The following CSAD variants were observed in gnomAD, a reference collection of about 807,000 sequenced individuals.
CSAD encodes cysteine sulfinic acid decarboxylase.
CSAD carries 47 observed loss-of-function variants against 61.5 expected under a neutral mutation model. The ratio of observed to expected loss-of-function variants is 0.76; its 90% CI spans 0.60 to 0.97. The LOEUF (loss-of-function observed/expected upper bound fraction) is 0.97, where lower values mean the gene tolerates loss of function less well. CSAD is among the 50% of genes least tolerant of loss of function. CSAD has a pLI of 0.00. For missense variants in CSAD, 611 were observed against 643.6 expected (o/e 0.95, Z 0.55); for synonymous variants, 245 against 252.7 (o/e 0.97, Z 0.29).
At chr12:53,164,280 G>T in intron 10 of CSAD, 1 of 159,112 alleles carries the variant, frequency 6.3e-6, no homozygotes, top group South Asian at 1.8e-4. Flanking sequence ...TACTTCAAAG[G>T]ACACTATCAA....
At chr12:53,161,805 T>C (rs1306129164) in intron 10 of CSAD, among the ~76,000 whole-genome samples, 2 of 150,452 alleles carry the variant, frequency 1.3e-5, no homozygotes, top group African/African-American at 4.9e-5. Flanking sequence ...AAAATTTTTT[T>C]GTTTAATTAG....
chr12:53,178,698 T>C (rs1043525542), intron 2 of CSAD, among the ~76,000 whole-genome samples: 3 of 151,948 alleles, frequency 2.0e-5, no homozygotes, highest in African/African-American at 4.8e-5. Flanking sequence ...GCCAGGAGAA[T>C]TGCTTGAACC....
chr12:53,178,394 A>G (rs1278502435), intron 2 of CSAD: 1 of 456,142 alleles, frequency 2.2e-6, no homozygotes, highest in Non-Finnish European at 4.4e-6. Context: ...TGGGAGGCTA[A>G]GATGGGAGGA....
rs1162552497 is a variant in CSAD at position 53,172,644 on chromosome 12, C to T, written c.131G>A (p.Cys44Tyr). 4 of 1,606,174 alleles carry T rather than the reference C, an allele frequency of 2.5e-6. No homozygotes were observed. The highest frequency in any genetic ancestry group is 3.4e-6 in the Non-Finnish European group (4 of 1,177,558). ...QKGTSVSQKV[C>Y]EWKEPEELKQ... ...CAGCTCCTCAGGCTCCTTCCACTCA[C>T]AGACCTAGGAAGAGAGCCGGGGATG... Residue 44 changes from cysteine to tyrosine, a missense_variant, in exon 5 of 17, where the codon TGT becomes TAT. Cys to Tyr is a radical substitution (Grantham distance 194, BLOSUM62 -2). Coordinates refer to ENST00000444623, the MANE Select transcript of CSAD (RefSeq NM_001244705.2).
At position 53,158,370 on chromosome 12, in the gene CSAD, A is replaced by G. The variant is rs1189457895; in HGVS notation, c.*141T>C. On this transcript the variant is annotated 3_prime_UTR_variant, in exon 17 of 17. Transcript: ENST00000444623. ...AGGCTGGTCTCGAACTCCTGACCTC[A>G]AGTGATCCACCCGCCTCGGCCTCCC... is the stretch of plus-strand genomic sequence containing the variant. The G allele has an allele frequency of 7.9e-6, 6 of 760,866 alleles. No homozygotes were observed. The highest frequency in any genetic ancestry group is 1.8e-5 in the South Asian group (1 of 54,952). The allele number at this position is 760,866 out of a possible 1,614,324, so 47.1% of individuals were successfully genotyped here.
In CSAD at chr12:53,160,808, G is replaced by A. The variant is rs373814731; in HGVS notation, c.921C>T (p.Leu307=). ...GTGCAGAGCATTGCAGGCCTGCTGC[G>A]AGGAGCTTGTGGGGATTCCAGGCCA... ...DSVAWNPHKL[L]AAGLQCSALL... The change falls in exon 13 of 17, where the codon CTC becomes CTT. Residue 307 remains leucine, a synonymous_variant. Coordinates refer to ENST00000444623, the MANE Select transcript of CSAD (RefSeq NM_001244705.2). The A allele has an allele frequency of 6.1e-5, 94 of 1,551,776 alleles. No individual in the cohort carries two copies. The highest frequency in any genetic ancestry group is 7.8e-5 in the Non-Finnish European group (89 of 1,147,042).
chr12:53,163,392 G>C (rs1381752234), intron 10 of CSAD, among the ~76,000 whole-genome samples: 1 of 152,038 alleles, frequency 6.6e-6, no homozygotes. Flanking sequence ...AAGTTAAAAA[G>C]AAAAGAAAGG....
chr12:53,177,294 G>A (rs762221084), intron 2 of CSAD, among the ~76,000 whole-genome samples: 1 of 152,134 alleles, frequency 6.6e-6, no homozygotes, highest in Admixed American at 6.5e-5. Context: ...TCCTAGCAAA[G>A]ACAGAAATGT....
chr12:53,158,771 T>C, intron 16 of CSAD, 87 bp from the exon 17 acceptor site: 1 of 1,326,964 alleles, frequency 7.5e-7, no homozygotes, highest in Non-Finnish European at 1.0e-6. Context: ...CTTCCAGAGG[T>C]GCTTTTCCTT....
chr12:53,172,011 G>C (rs372483523), intron 6 of CSAD, 23 bp from the exon 7 acceptor site: 16 of 1,562,450 alleles, frequency 1.0e-5, no homozygotes, highest in Admixed American at 8.4e-5. Flanking sequence ...AGAACGACGA[G>C]AAAGGAGAGA....
intron 10 of CSAD, among the ~76,000 whole-genome samples, chr12:53,167,591 A>G (rs1196238732): frequency 6.6e-6 from 1 of 152,244 alleles, no homozygotes; most frequent in Non-Finnish European, 1.5e-5. Context: ...ACATTTTTCC[A>G]AAGAAGATAT....
At chr12:53,175,303 A>G (rs1249842051) in intron 2 of CSAD, among the ~76,000 whole-genome samples, 1 of 152,196 alleles carries the variant, frequency 6.6e-6, no homozygotes, top group Non-Finnish European at 1.5e-5. Context: ...TGCTATTTGA[A>G]TAAGTGATGG....
In CSAD at chr12:53,161,354, G is replaced by A. The variant is rs772996285; in HGVS notation, c.738C>T (p.Gly246=). ...AVPFLVSATS[G]TTVLGAFDPL... is the part of the protein sequence containing the mutation. ...GGTCAAAGGCCCCTAGCACAGTGGT[G>A]CCAGAGGTGGCACTGACCAGGAACG... The change falls in exon 11 of 17, where the codon GGC becomes GGT. Residue 246 remains glycine (G), a synonymous_variant. Coordinates refer to ENST00000444623, the MANE Select transcript of CSAD (RefSeq NM_001244705.2). The A allele has an allele frequency of 6.2e-7, 1 of 1,614,004 alleles. No homozygotes were observed. The highest frequency in any genetic ancestry group is 1.1e-5 in the South Asian group (1 of 91,078).
At chr12:53,170,201 G>GTTGTCTCTGCATTGCTAA in intron 9 of CSAD, 75 bp from the exon 10 acceptor site, 1 of 1,372,060 alleles carries the variant, frequency 7.3e-7, no homozygotes, top group Non-Finnish European at 1.0e-6. Flanking sequence ...GGTTAGCAAT[G>GTTGTCTCTGCATTGCTAA]CAGAGACAAC....
chr12:53,176,371 T>C (rs1350524202), intron 2 of CSAD, among the ~76,000 whole-genome samples: 2 of 146,646 alleles, frequency 1.4e-5, no homozygotes, highest in Non-Finnish European at 3.0e-5. Context: ...GATCGCACCA[T>C]TGCATTCCAG....
chr12:53,160,997 A>G, intron 12 of CSAD, 130 bp downstream of exon 12: 2 of 1,155,052 alleles, frequency 1.7e-6, no homozygotes, highest in Non-Finnish European at 2.5e-6. Context: ...TCCCAGCTCC[A>G]ATCAATCCTC....
In CSAD at chr12:53,172,325, G is replaced by A. The variant is rs532718483; in HGVS notation, c.344+21C>T. 1.0e-4 allele frequency: 166 copies of A among 1,605,872 alleles called. 3 individuals carry two copies. In the South Asian group the frequency reaches 1.7e-3, roughly 16 times the overall value. ...AACCTAAATCCTTTGTGGGATGGTA[G>A]AGGGGCCTTGGGATGCTCACTGGCT... On this transcript the variant is annotated intron_variant, in intron 6 of 16. Transcript: ENST00000444623.
chr12:53,174,402 G>A (rs1008480585), intron 2 of CSAD, among the ~76,000 whole-genome samples: 2 of 151,856 alleles, frequency 1.3e-5, no homozygotes, highest in African/African-American at 2.4e-5. Flanking sequence ...TGTTATGGAT[G>A]ATTTTTAAGT....
Position 53,172,353 on chromosome 12 carries a change from T to C in CSAD, c.337A>G (p.Thr113Ala). 6.2e-7 allele frequency: 1 copy of C among 1,613,300 alleles called. No individual in the cohort carries two copies. The highest frequency in any genetic ancestry group is 8.5e-7 in the Non-Finnish European group (1 of 1,179,662). ...GGGCCTTGGGATGCTCACTGGCTGG[T>C]GTTGAGGCTCTCAGTGATAATGCGC... ...AGRIITESLNTSQYTYEIAPV... is the reference protein window; with the variant it reads ...AGRIITESLNASQYTYEIAPV... The change falls in exon 6 of 17, where the codon ACC becomes GCC. Residue 113 changes from threonine (T) to alanine (A), a missense_variant. Physicochemically the swap from Thr to Ala is moderately conservative, Grantham distance 58. Coordinates refer to ENST00000444623, the MANE Select transcript of CSAD (RefSeq NM_001244705.2).
Sources: gnomAD v4.1 joint callset for allele counts (sites outside exome capture counted in the v4.1 genomes callset) on GRCh38, gnomAD v4.1.1 for gene constraint, MANE v1.5 for transcripts, NCBI Gene and HGNC (gene_info 2026-07-23, HGNC 2026-07-21) for gene names.